The following CNTN4 variants were observed in gnomAD, a reference collection of about 807,000 sequenced individuals.
CNTN4 encodes contactin-4.
In CNTN4, 77 loss-of-function variants were observed where a neutral mutation model predicts 122.5. The observed-to-expected ratio is 0.63, with a 90% CI of 0.52 to 0.76. The LOEUF (loss-of-function observed/expected upper bound fraction) is 0.76, where lower values mean the gene tolerates loss of function less well. CNTN4 is among the 30% of genes least tolerant of loss of function. The pLI, the probability that CNTN4 is intolerant of heterozygous loss-of-function variation, is 0.00. For synonymous variants in CNTN4, 512 were observed against 447.0 expected (o/e 1.15, Z -1.83); for missense variants, 1,256 against 1,259.1 (o/e 1.00, Z 0.04).
intron 4 of CNTN4, among the ~76,000 whole-genome samples, chr3:2,582,164 T>C (rs1390152073): frequency 1.3e-5 from 2 of 152,174 alleles, no homozygotes; most frequent in Non-Finnish European, 2.9e-5. Context: ...TATATCTCCA[T>C]AAAAACAATT....
At chr3:2,258,227 G>A (rs1377603067) in intron 2 of CNTN4, among the ~76,000 whole-genome samples, 1 of 152,096 alleles carries the variant, frequency 6.6e-6, no homozygotes, top group African/African-American at 2.4e-5. Context: ...ATTTAACCCA[G>A]CAATCCCATT....
At chr3:2,556,289 C>G (rs1251199971) in intron 3 of CNTN4, among the ~76,000 whole-genome samples, 1 of 152,288 alleles carries the variant, frequency 6.6e-6, no homozygotes, top group East Asian at 1.9e-4. Flanking sequence ...ACCTTAACGT[C>G]TGTTTTAAGA....
chr3:2,509,042 A>ATAATCAAAGAT (rs1180477172), intron 3 of CNTN4, among the ~76,000 whole-genome samples: 2 of 152,252 alleles, frequency 1.3e-5, no homozygotes, highest in African/African-American at 4.8e-5. Flanking sequence ...ATTACATATC[A>ATAATCAAAGAT]TAATCAAAGA....
intron 7 of CNTN4, among the ~76,000 whole-genome samples, chr3:2,857,806 G>A (rs2093632295): frequency 6.6e-6 from 1 of 152,066 alleles, no homozygotes; most frequent in Admixed American, 6.5e-5. Flanking sequence ...GCTAGTCTGG[G>A]CCATTCTTTG....
chr3:2,387,194 A>G (rs1417402971), intron 3 of CNTN4, among the ~76,000 whole-genome samples: 1 of 152,216 alleles, frequency 6.6e-6, no homozygotes, highest in Non-Finnish European at 1.5e-5. Context: ...AAAAATATCT[A>G]AAGTTACTTA....
chr3:2,480,438 T>A (rs1340286530), intron 3 of CNTN4, among the ~76,000 whole-genome samples: 1 of 152,220 alleles, frequency 6.6e-6, no homozygotes, highest in East Asian at 1.9e-4. Flanking sequence ...ATTGTTAACA[T>A]AGACCAGTAA....
At position 3,049,538 on chromosome 3, in the gene CNTN4, C is replaced by T. The variant is rs114284431; in HGVS notation, c.2812-4269C>T. Among the ~76,000 whole-genome samples, 1,403 of 152,260 alleles carry T rather than the reference C, an allele frequency of 9.2e-3. 22 individuals are homozygous for T. The highest frequency in any genetic ancestry group is 0.031 in the African/African-American group (1,306 of 41,524). The stretch of plus-strand genomic sequence containing the variant: ...AATACAGCAGTATGGATCCTGAGTT[C>T]TACATTTAGCCACTTGGTGCTTCTG... On this transcript the variant is annotated intron_variant, in intron 23 of 24. Coordinates refer to ENST00000418658, the MANE Select transcript of CNTN4 (RefSeq NM_175607.3).
At chr3:2,785,903 C>CCCCCG (rs1388349990) in intron 6 of CNTN4, among the ~76,000 whole-genome samples, 1 of 130,440 alleles carries the variant, frequency 7.7e-6, no homozygotes, top group African/African-American at 2.7e-5. Context: ...CTGCCCCCCC[C>CCCCCG]CGCCCCCCCA....
intron 4 of CNTN4, among the ~76,000 whole-genome samples, chr3:2,661,215 C>T (rs2083875114): frequency 6.6e-6 from 1 of 152,074 alleles, no homozygotes; most frequent in Non-Finnish European, 1.5e-5. Flanking sequence ...CTTATGTCTC[C>T]AGTTGTTGTT....
chr3:2,101,920 C>T (rs2031997781), intron 2 of CNTN4, among the ~76,000 whole-genome samples: 1 of 152,140 alleles, frequency 6.6e-6, no homozygotes, highest in African/African-American at 2.4e-5. Context: ...CTCTCCTTAT[C>T]TCTGCTCTGC....
chr3:2,103,131 A>G (rs2032127444), intron 2 of CNTN4, among the ~76,000 whole-genome samples: 1 of 151,890 alleles, frequency 6.6e-6, no homozygotes, highest in African/African-American at 2.4e-5. Context: ...TAAGTAGCAG[A>G]GCTGGGATCT....
intron 2 of CNTN4, among the ~76,000 whole-genome samples, chr3:2,328,810 C>T (rs536684705): frequency 1.3e-5 from 2 of 152,078 alleles, no homozygotes; most frequent in South Asian, 2.1e-4. Flanking sequence ...CATGTAAATA[C>T]GACATCACTT....
chr3:2,242,642 T>C (rs1011785899), intron 2 of CNTN4, among the ~76,000 whole-genome samples: 4 of 152,152 alleles, frequency 2.6e-5, no homozygotes, highest in Non-Finnish European at 4.4e-5. Flanking sequence ...AATAGTCAGT[T>C]CAATCTTCCT....
intron 2 of CNTN4, among the ~76,000 whole-genome samples, chr3:2,273,326 C>T (rs530150692): frequency 6.6e-6 from 1 of 152,164 alleles, no homozygotes; most frequent in Non-Finnish European, 1.5e-5. Context: ...TCCCTTCAGT[C>T]CTATTCTGTG....
chr3:2,944,283 A>AT (rs890250360), intron 13 of CNTN4, among the ~76,000 whole-genome samples: 14 of 152,034 alleles, frequency 9.2e-5, no homozygotes, highest in African/African-American at 3.4e-4. Flanking sequence ...TAGAGCATAA[A>AT]TTTTTTTTAC....
chr3:2,433,941 T>A (rs981913180), intron 3 of CNTN4, among the ~76,000 whole-genome samples: 3 of 152,094 alleles, frequency 2.0e-5, no homozygotes, highest in Non-Finnish European at 4.4e-5. Flanking sequence ...GACTTGCATG[T>A]GGAATTTTAC....
intron 4 of CNTN4, among the ~76,000 whole-genome samples, chr3:2,626,196 A>G (rs1904396): frequency 0.46 from 70,403 of 151,948 alleles, 16,862 homozygotes; most frequent in East Asian, 0.77. Context: ...AGTTGAGCCC[A>G]TTAAGTTTTT....
chr3:3,017,917 T>C (rs1216536602), intron 14 of CNTN4, among the ~76,000 whole-genome samples: 5 of 152,174 alleles, frequency 3.3e-5, no homozygotes. Flanking sequence ...GCTAAGTATA[T>C]GTAGATTTCT....
intron 15 of CNTN4, among the ~76,000 whole-genome samples, chr3:3,029,541 C>T (rs921973226): frequency 2.0e-5 from 3 of 152,196 alleles, no homozygotes; most frequent in African/African-American, 7.2e-5. Context: ...ATTGGCAATT[C>T]TATCTCTTCC....
Sources: gnomAD v4.1 joint callset for allele counts (sites outside exome capture counted in the v4.1 genomes callset) on GRCh38, gnomAD v4.1.1 for gene constraint, MANE v1.5 for transcripts, NCBI Gene and HGNC (gene_info 2026-07-23, HGNC 2026-07-21) for gene names.